The following JMJD1C variants were observed in gnomAD, a reference collection of about 807,000 sequenced individuals.
JMJD1C encodes the protein jumonji domain-containing protein 1C.
In JMJD1C, 31 loss-of-function variants were observed where a neutral mutation model predicts 245.3. The ratio of observed to expected loss-of-function variants is 0.13; its 90% CI spans 0.09 to 0.17. The LOEUF is 0.17. Ranked by LOEUF, JMJD1C falls within the 10% of genes least tolerant of loss-of-function variation. The probability of loss-of-function intolerance (pLI) is 1.00; values close to 1 mark genes in which losing one functional copy is unlikely to be tolerated. For missense variants in JMJD1C, 2,691 were observed against 3,000.2 expected (o/e 0.90, Z 2.41); for synonymous variants, 1,057 against 1,017.4 (o/e 1.04, Z -0.74).
intron 2 of JMJD1C, among the ~76,000 whole-genome samples, chr10:63,355,929 A>G (rs1944804546): frequency 6.6e-6 from 1 of 152,214 alleles, no homozygotes; most frequent in Admixed American, 6.5e-5. Context: ...AGGCTACTGC[A>G]TCACTATTTC....
At chr10:63,276,415 G>A (rs946769503) in intron 2 of JMJD1C, among the ~76,000 whole-genome samples, 1 of 146,816 alleles carries the variant, frequency 6.8e-6, no homozygotes, top group African/African-American at 2.5e-5. Flanking sequence ...CCAGTGAGCC[G>A]AGACCCCGCC....
chr10:63,191,323 G>A (rs371465191), intron 16 of JMJD1C, among the ~76,000 whole-genome samples: 18 of 152,060 alleles, frequency 1.2e-4, no homozygotes, highest in East Asian at 3.9e-4. Flanking sequence ...TAGTAGAGAC[G>A]GGGTTTCATC....
chr10:63,271,880 G>T (rs1304543515), intron 2 of JMJD1C, among the ~76,000 whole-genome samples: 1 of 152,092 alleles, frequency 6.6e-6, no homozygotes, highest in Non-Finnish European at 1.5e-5. Flanking sequence ...TTTGAGACCA[G>T]CCTGGCCATC....
At chr10:63,277,332 C>A (rs1856894698) in intron 2 of JMJD1C, among the ~76,000 whole-genome samples, 1 of 151,102 alleles carries the variant, frequency 6.6e-6, no homozygotes, top group Admixed American at 6.6e-5. Flanking sequence ...GGTGTCTACA[C>A]AAGTTATACA....
intron 2 of JMJD1C, among the ~76,000 whole-genome samples, chr10:63,310,217 AT>A (rs1219940173): frequency 1.3e-5 from 2 of 152,220 alleles, no homozygotes; most frequent in Non-Finnish European, 2.9e-5. Context: ...GTAAACAGAC[AT>A]TTTCCCTAAA....
intron 1 of JMJD1C, among the ~76,000 whole-genome samples, chr10:63,458,540 C>T (rs528487696): frequency 1.8e-4 from 27 of 151,436 alleles, no homozygotes; most frequent in African/African-American, 6.3e-4. Context: ...TGAAATTAGG[C>T]AGACATATGA....
At chr10:63,209,384 A>C (rs1847050243) in intron 8 of JMJD1C, 149 bp from the exon 9 acceptor site, 1 of 504,754 alleles carries the variant, frequency 2.0e-6, no homozygotes, top group African/African-American at 2.0e-5. Flanking sequence ...ACTTTTTCTA[A>C]ATACATCTTA....
chr10:63,440,952 CA>C (rs1365291274), intron 1 of JMJD1C, among the ~76,000 whole-genome samples: 2 of 152,086 alleles, frequency 1.3e-5, no homozygotes, highest in Non-Finnish European at 2.9e-5. Context: ...GTTATGAAGA[CA>C]ACCTACTATG....
chr10:63,416,503 A>G (rs1309154228), intron 1 of JMJD1C, among the ~76,000 whole-genome samples: 1 of 152,178 alleles, frequency 6.6e-6, no homozygotes, highest in Non-Finnish European at 1.5e-5. Context: ...TTTCTTTGGC[A>G]TGTTACTAAA....
At chr10:63,476,154 G>A (rs577181568) in intron 1 of JMJD1C, among the ~76,000 whole-genome samples, 1 of 151,746 alleles carries the variant, frequency 6.6e-6, no homozygotes, top group African/African-American at 2.4e-5. Context: ...AGGTTGCAGT[G>A]AGCCGAGATT....
chr10:63,231,811 A>G (rs190158215), intron 3 of JMJD1C, among the ~76,000 whole-genome samples: 90 of 152,266 alleles, frequency 5.9e-4, no homozygotes, highest in African/African-American at 2.0e-3. Flanking sequence ...ATAAAATAAA[A>G]TAAAACAAGA....
chr10:63,200,717 TG>T (rs1378069815), intron 10 of JMJD1C, 40 bp from the exon 11 acceptor site: 6 of 1,556,046 alleles, frequency 3.9e-6, no homozygotes, highest in Non-Finnish European at 5.3e-6. Flanking sequence ...GATTATGCTT[TG>T]TAAAAAGTTA....
At chr10:63,411,693 C>T (rs1949492926) in intron 1 of JMJD1C, among the ~76,000 whole-genome samples, 1 of 150,216 alleles carries the variant, frequency 6.7e-6, no homozygotes, top group Admixed American at 6.7e-5. Context: ...ACCTCCAACT[C>T]CTGGGTTCAA....
At chr10:63,233,094 T>G (rs1375884629) in intron 3 of JMJD1C, among the ~76,000 whole-genome samples, 1 of 152,156 alleles carries the variant, frequency 6.6e-6, no homozygotes, top group African/African-American at 2.4e-5. Flanking sequence ...AAAGTGACTC[T>G]GACCTGAAGG....
At chr10:63,241,984 T>C (rs757998183) in intron 3 of JMJD1C, among the ~76,000 whole-genome samples, 9 of 152,182 alleles carry the variant, frequency 5.9e-5, no homozygotes, top group South Asian at 2.1e-4. Context: ...AACAGGAAGC[T>C]AACGGGGTTC....
intron 1 of JMJD1C, among the ~76,000 whole-genome samples, chr10:63,492,115 C>T (rs533851288): frequency 6.6e-6 from 1 of 152,246 alleles, no homozygotes; most frequent in Non-Finnish European, 1.5e-5. Flanking sequence ...CTCTCTGCAC[C>T]CTCGACCTCC....
chr10:63,296,643 T>A (rs974028174), intron 2 of JMJD1C, among the ~76,000 whole-genome samples: 7 of 152,150 alleles, frequency 4.6e-5, no homozygotes, highest in Non-Finnish European at 8.8e-5. Flanking sequence ...GTGACAAAAA[T>A]TTTTCTCCAC....
chr10:63,227,982 T>C (rs1249754669), intron 3 of JMJD1C, among the ~76,000 whole-genome samples: 2 of 152,182 alleles, frequency 1.3e-5, no homozygotes, highest in Non-Finnish European at 2.9e-5. Flanking sequence ...ACAAGAAATA[T>C]ATAAAGTTTG....
chr10:63,355,175 T>C (rs1453665928), intron 2 of JMJD1C, among the ~76,000 whole-genome samples: 1 of 152,136 alleles, frequency 6.6e-6, no homozygotes, highest in African/African-American at 2.4e-5. Flanking sequence ...TTTAAACATT[T>C]TGAAATAATC....
Sources: allele counts gnomAD v4.1 joint callset (sites outside exome capture counted in the v4.1 genomes callset), GRCh38; gene constraint gnomAD v4.1.1; transcripts MANE v1.5; gene names NCBI Gene and HGNC (gene_info 2026-07-23, HGNC 2026-07-21).